Variants in HERC4 observed in about 807,000 individuals in gnomAD.
HERC4 encodes the protein HECT and RLD domain containing E3 ubiquitin protein ligase 4.
A neutral mutation model predicts 124.3 loss-of-function variants in HERC4; 28 were observed. The observed-to-expected ratio is 0.23, with a 90% CI of 0.17 to 0.31. The LOEUF (loss-of-function observed/expected upper bound fraction) is 0.31. Ranked by LOEUF, HERC4 falls within the 10% of genes least tolerant of loss-of-function variation. The pLI, the probability that HERC4 is intolerant of heterozygous loss-of-function variation, is 1.00. For missense variants in HERC4, 713 were observed against 1,229.3 expected (o/e 0.58, Z 6.28); for synonymous variants, 407 against 421.5 (o/e 0.97, Z 0.42).
In HERC4 at chr10:68,014,070, T is replaced by C. The variant is rs1290470141; in HGVS notation, c.1025A>G (p.Lys342Arg). 6.2e-7 allele frequency: 1 copy of C among 1,613,572 alleles called. No individual in the cohort carries two copies. The highest frequency in any genetic ancestry group is 2.2e-5 in the East Asian group (1 of 44,864). Reference protein sequence around the residue: ...TSNRKSPFTVKGNWYPYNGQC... With the variant: ...TSNRKSPFTVRGNWYPYNGQC... Reference sequence around the variant, plus strand: ...CCCATTATAGGGGTACCAATTTCCTTTTACAGTAAAGGGGCTTTTCCTGTT... The same window carrying C: ...CCCATTATAGGGGTACCAATTTCCTCTTACAGTAAAGGGGCTTTTCCTGTT... The change falls in exon 9 of 25, where the codon AAA becomes AGA. Residue 342 changes from lysine to arginine, a missense_variant. Coordinates refer to ENST00000373700, the MANE Select transcript of HERC4 (RefSeq NM_015601.4).
chr10:67,960,488 C>T (rs965729235), intron 16 of HERC4, among the ~76,000 whole-genome samples: 3 of 152,034 alleles, frequency 2.0e-5, no homozygotes, highest in Non-Finnish European at 2.9e-5. Flanking sequence ...TGGGTTCAAG[C>T]GATTCTCCTG....
chr10:68,025,308 A>G (rs1448843483), intron 8 of HERC4, among the ~76,000 whole-genome samples: 1 of 152,152 alleles, frequency 6.6e-6, no homozygotes, highest in Non-Finnish European at 1.5e-5. Flanking sequence ...TACAATAAAT[A>G]TAATATTACA....
intron 9 of HERC4, among the ~76,000 whole-genome samples, chr10:68,001,460 T>C (rs907804801): frequency 1.2e-4 from 19 of 152,158 alleles, no homozygotes; most frequent in African/African-American, 4.6e-4. Flanking sequence ...CTGGGGGCCA[T>C]GGGTTTAACC....
intron 9 of HERC4, among the ~76,000 whole-genome samples, chr10:68,006,261 T>C (rs570989115): frequency 4.6e-5 from 7 of 152,200 alleles, no homozygotes; most frequent in South Asian, 2.1e-4. Context: ...CTTTAGTTGA[T>C]TTGTTATTGT....
chr10:68,055,094 G>A (rs1315110032), intron 3 of HERC4, among the ~76,000 whole-genome samples: 3 of 151,842 alleles, frequency 2.0e-5, no homozygotes, highest in Non-Finnish European at 4.4e-5. Context: ...GGCTATTTTT[G>A]TATTTTTATT....
intron 19 of HERC4, among the ~76,000 whole-genome samples, chr10:67,947,386 G>T (rs115707115): frequency 3.3e-5 from 5 of 152,096 alleles, no homozygotes; most frequent in Non-Finnish European, 7.3e-5. Flanking sequence ...TGATAACAGG[G>T]TCAATTCATC....
chr10:68,040,073 C>T (rs1273955515), intron 4 of HERC4: 1 of 820,214 alleles, frequency 1.2e-6, no homozygotes, highest in Admixed American at 6.2e-5. Context: ...TACTATAGTG[C>T]CTAATTAATA....
At chr10:68,027,324 G>A (rs909179416) in intron 7 of HERC4, among the ~76,000 whole-genome samples, 1 of 152,086 alleles carries the variant, frequency 6.6e-6, no homozygotes, top group Non-Finnish European at 1.5e-5. Context: ...ACTGGCAAAA[G>A]GTTGGTTATT....
At chr10:68,013,971 C>T (rs977731612) in intron 9 of HERC4, 55 bp downstream of exon 9, 1 of 1,399,336 alleles carries the variant, frequency 7.1e-7, no homozygotes, top group Non-Finnish European at 9.6e-7. Context: ...TTAAGAGCAA[C>T]ATTTTAACAA....
intron 4 of HERC4, among the ~76,000 whole-genome samples, chr10:68,039,152 CAAA>C (rs5785843): frequency 1.4e-4 from 16 of 115,264 alleles, no homozygotes; most frequent in East Asian, 2.3e-4. Flanking sequence ...ACTGAAAATA[CAAA>C]AAAAAAAAAA....
chr10:67,946,029 G>T (rs1221574688), intron 19 of HERC4, among the ~76,000 whole-genome samples: 1 of 152,066 alleles, frequency 6.6e-6, no homozygotes, highest in Non-Finnish European at 1.5e-5. Flanking sequence ...GAGGTAGGCA[G>T]ATCACTTGAG....
In HERC4 at chr10:67,992,644, CT is replaced by C; in HGVS notation, c.1107del (p.Gly371GlufsTer32). ...TAATGTGAAAAGCTTTGATCTCCCCCTGAGAAAATTCTTTTTACACAGAAAT... is the reference window on the plus strand; with the variant it reads ...TAATGTGAAAAGCTTTGATCTCCCCCGAGAAAATTCTTTTTACACAGAAAT... Reference protein sequence around the residue: ...EEYFCVKRIFSGGDQSFSHYS... With the variant: ...EEYFCVKRIFXGGDQSFSHYS... On this transcript the variant is annotated frameshift_variant, in exon 10 of 25. Coordinates refer to ENST00000373700, the MANE Select transcript of HERC4 (RefSeq NM_015601.4). LOFTEE classifies it high-confidence loss of function. The C allele has an allele frequency of 6.4e-7, 1 of 1,555,150 alleles. No homozygotes were observed. Among genetic ancestry groups the C allele is most frequent in the Non-Finnish European group, 8.8e-7 (1 of 1,134,400 alleles).
intron 16 of HERC4, among the ~76,000 whole-genome samples, chr10:67,959,580 T>C (rs2034368688): frequency 6.6e-6 from 1 of 151,964 alleles, no homozygotes; most frequent in Non-Finnish European, 1.5e-5. Flanking sequence ...TAGATTAAAA[T>C]GCCATATGGA....
At chr10:68,019,447 A>G (rs1253604788) in intron 8 of HERC4, among the ~76,000 whole-genome samples, 1 of 152,170 alleles carries the variant, frequency 6.6e-6, no homozygotes, top group Non-Finnish European at 1.5e-5. Flanking sequence ...ATCCATGTAC[A>G]TACAACAGCT....
chr10:68,045,073 C>T (rs878868421), intron 3 of HERC4, among the ~76,000 whole-genome samples: 5 of 152,204 alleles, frequency 3.3e-5, no homozygotes, highest in Admixed American at 3.3e-4. Context: ...ATAATACCAG[C>T]ATTTTGGGAG....
At chr10:68,009,472 AT>A (rs1208640794) in intron 9 of HERC4, among the ~76,000 whole-genome samples, 2 of 152,096 alleles carry the variant, frequency 1.3e-5, no homozygotes, top group Non-Finnish European at 2.9e-5. Context: ...AAAAATCCAT[AT>A]ACCTTAATTT....
At chr10:67,959,060 A>G in intron 16 of HERC4, 1 of 1,475,024 alleles carries the variant, frequency 6.8e-7, no homozygotes, top group Non-Finnish European at 9.2e-7. Flanking sequence ...ATTACTCAGG[A>G]GAAAATGGAG....
At chr10:68,013,677 A>G (rs1339713684) in intron 9 of HERC4, among the ~76,000 whole-genome samples, 4 of 152,234 alleles carry the variant, frequency 2.6e-5, no homozygotes, top group African/African-American at 9.6e-5. Flanking sequence ...TAACGTGAAT[A>G]TGCTTAATGC....
Position 68,044,566 on chromosome 10 carries a change from A to G in HERC4, c.227-3T>C, listed in dbSNP as rs1264557876. ...GGCATCCAGGGCAACAACCTGCTCT[A>G]CAGAAATCAAGAAGAGAAATATTGC... On this transcript the variant is annotated splice_polypyrimidine_tract_variant and splice_region_variant and intron_variant, in intron 3 of 24. Transcript: ENST00000373700. 2 of 1,611,780 alleles carry G rather than the reference A, an allele frequency of 1.2e-6. No individual in the cohort carries two copies. The highest frequency in any genetic ancestry group is 1.7e-5 in the Admixed American group (1 of 59,318).
Sources: allele counts gnomAD v4.1 joint callset (sites outside exome capture counted in the v4.1 genomes callset), GRCh38; gene constraint gnomAD v4.1.1; transcripts MANE v1.5; gene names NCBI Gene and HGNC (gene_info 2026-07-23, HGNC 2026-07-21).